The following ELAVL2 variants were observed in gnomAD, a reference collection of about 807,000 sequenced individuals.
ELAVL2 encodes ELAV like RNA binding protein 2.
A neutral mutation model predicts 34.6 loss-of-function variants in ELAVL2; 4 were observed. The ratio of observed to expected loss-of-function variants is 0.12; its 90% CI spans 0.06 to 0.26. ELAVL2 has a LOEUF of 0.26. Ranked by LOEUF, ELAVL2 falls within the 10% of genes least tolerant of loss-of-function variation. ELAVL2 has a pLI of 1.00. For missense variants in ELAVL2, 432 were observed against 442.8 expected (o/e 0.98, Z 0.22); for synonymous variants, 193 against 154.8 (o/e 1.25, Z -1.83).
At position 23,736,835 on chromosome 9, in the gene ELAVL2, G is replaced by T. The variant is rs187330034; in HGVS notation, c.230-5710C>A. Among the ~76,000 whole-genome samples, 9 of 152,196 alleles carry T rather than the reference G, an allele frequency of 5.9e-5. No individual in the cohort carries two copies. The East Asian group carries it at 1.7e-3, about 29-fold the overall frequency. The stretch of plus-strand genomic sequence containing the variant: ...AAAACACAAATCTAACCATACTCTG[G>T]TTTCCAGTCACTGTCAGTTTTTTGC... On this transcript the variant is annotated intron_variant, in intron 2 of 6. Transcript: ENST00000397312.
At chr9:23,765,977 T>C (rs777089254) in intron 1 of ELAVL2, among the ~76,000 whole-genome samples, 5 of 152,108 alleles carry the variant, frequency 3.3e-5, no homozygotes, top group Non-Finnish European at 5.9e-5. Flanking sequence ...AAAGCCAAAG[T>C]TTACTTTTTT....
intron 3 of ELAVL2, among the ~76,000 whole-genome samples, chr9:23,713,806 G>C (rs2041638030): frequency 6.6e-6 from 1 of 152,144 alleles, no homozygotes; most frequent in Admixed American, 6.5e-5. Flanking sequence ...AGCATACTAT[G>C]AAACTAGAGG....
intron 1 of ELAVL2, among the ~76,000 whole-genome samples, chr9:23,784,115 G>A (rs1294100759): frequency 1.3e-5 from 2 of 151,918 alleles, no homozygotes; most frequent in Admixed American, 6.6e-5. Context: ...GGAGAATGGC[G>A]TGAACCTGGG....
intron 3 of ELAVL2, among the ~76,000 whole-genome samples, chr9:23,721,027 G>C (rs4486291): frequency 0.054 from 8,231 of 152,202 alleles, 279 homozygotes; most frequent in Non-Finnish European, 0.075. Context: ...AAAACTCTGG[G>C]CATATTAGGG....
At chr9:23,767,859 G>T (rs568197653) in intron 1 of ELAVL2, among the ~76,000 whole-genome samples, 1 of 152,110 alleles carries the variant, frequency 6.6e-6, no homozygotes, top group Non-Finnish European at 1.5e-5. Flanking sequence ...AGGGAAAAAG[G>T]TTCCATAGCC....
At chr9:23,695,051 T>A (rs1344032964) in intron 5 of ELAVL2, among the ~76,000 whole-genome samples, 1 of 152,184 alleles carries the variant, frequency 6.6e-6, no homozygotes, top group Non-Finnish European at 1.5e-5. Flanking sequence ...TGGATGACCT[T>A]GTCTGCACAT....
chr9:23,839,840 C>T, the ELAVL2 span, among the ~76,000 whole-genome samples: 1 of 152,068 alleles, frequency 6.6e-6, no homozygotes, highest in Non-Finnish European at 1.5e-5. Context: ...ACCTATTAGA[C>T]CATGTCTTCT....
At chr9:23,838,143 G>T in the ELAVL2 span, among the ~76,000 whole-genome samples, 4 of 152,134 alleles carry the variant, frequency 2.6e-5, no homozygotes, top group African/African-American at 9.6e-5. Flanking sequence ...TCACATAAAG[G>T]ATGTTTACTA....
intron 1 of ELAVL2, among the ~76,000 whole-genome samples, chr9:23,791,393 T>A (rs2060299972): frequency 6.6e-6 from 1 of 152,178 alleles, no homozygotes; most frequent in South Asian, 2.1e-4. Context: ...TTACCCCTGT[T>A]AGAGAACTGA....
At chr9:23,707,363 T>G (rs1437930427) in intron 3 of ELAVL2, among the ~76,000 whole-genome samples, 1 of 152,180 alleles carries the variant, frequency 6.6e-6, no homozygotes, top group Non-Finnish European at 1.5e-5. Flanking sequence ...GGGACGTGCA[T>G]CCCTATCTAG....
chr9:23,790,783 T>C (rs984550068), intron 1 of ELAVL2, among the ~76,000 whole-genome samples: 2 of 152,194 alleles, frequency 1.3e-5, no homozygotes, highest in African/African-American at 4.8e-5. Context: ...AGTTCTGACT[T>C]GAGGATGTCT....
At chr9:23,752,943 G>A (rs1353793041) in intron 2 of ELAVL2, among the ~76,000 whole-genome samples, 2 of 152,174 alleles carry the variant, frequency 1.3e-5, no homozygotes, top group East Asian at 1.9e-4. Flanking sequence ...CTGCGAATCT[G>A]TTTCTTCACA....
chr9:23,739,782 C>A (rs10966058), intron 2 of ELAVL2, among the ~76,000 whole-genome samples: 29,154 of 151,796 alleles, frequency 0.19, 3,048 homozygotes, highest in Admixed American at 0.27. Context: ...CTTGCCTGTG[C>A]CTGCACACAC....
chr9:23,786,972 T>G (rs191185381), intron 1 of ELAVL2, among the ~76,000 whole-genome samples: 2 of 152,298 alleles, frequency 1.3e-5, no homozygotes, highest in Non-Finnish European at 2.9e-5. Flanking sequence ...AAAGGTACAC[T>G]TTTATTTAAG....
At chr9:23,805,878 T>G (rs536165436) in intron 1 of ELAVL2, among the ~76,000 whole-genome samples, 8 of 152,242 alleles carry the variant, frequency 5.3e-5, no homozygotes, top group Admixed American at 4.6e-4. Context: ...CAGCACACTT[T>G]GAAGCGGTAT....
chr9:23,749,570 T>C (rs1262599459), intron 2 of ELAVL2, among the ~76,000 whole-genome samples: 2 of 152,138 alleles, frequency 1.3e-5, no homozygotes, highest in Non-Finnish European at 1.5e-5. Flanking sequence ...AAGGTGGTTA[T>C]ATCTTTATGG....
intron 1 of ELAVL2, among the ~76,000 whole-genome samples, chr9:23,775,367 C>T (rs895598579): frequency 6.6e-6 from 1 of 152,188 alleles, no homozygotes; most frequent in Non-Finnish European, 1.5e-5. Context: ...AAGACCATGT[C>T]TCCAAAACAA....
chr9:23,698,214 T>G (rs1305043327), intron 5 of ELAVL2, among the ~76,000 whole-genome samples: 2 of 152,178 alleles, frequency 1.3e-5, no homozygotes, highest in African/African-American at 2.4e-5. Flanking sequence ...TGGCTTAAAG[T>G]TTAATTCTGA....
intron 3 of ELAVL2, among the ~76,000 whole-genome samples, chr9:23,705,419 G>A (rs986355142): frequency 1.3e-5 from 2 of 152,170 alleles, no homozygotes; most frequent in Admixed American, 6.5e-5. Flanking sequence ...TTCAACAACT[G>A]CCTGCTCATT....
Sources: allele counts gnomAD v4.1 joint callset (sites outside exome capture counted in the v4.1 genomes callset), GRCh38; gene constraint gnomAD v4.1.1; transcripts MANE v1.5; gene names NCBI Gene and HGNC (gene_info 2026-07-23, HGNC 2026-07-21).